The following PDXDC1 variants were observed in gnomAD, a reference collection of about 807,000 sequenced individuals.
PDXDC1 encodes pyridoxal dependent decarboxylase domain containing 1.
Under a neutral mutation model 100.1 loss-of-function variants are expected in PDXDC1, and 42 were observed. That is an observed-to-expected ratio of 0.42 (90% CI 0.33 to 0.54). PDXDC1 has a LOEUF of 0.54. Ranked by LOEUF, PDXDC1 falls within the 20% of genes least tolerant of loss-of-function variation. PDXDC1 has a pLI of 0.10. For synonymous variants in PDXDC1, 260 were observed against 371.7 expected (o/e 0.70, Z 3.46); for missense variants, 636 against 979.2 (o/e 0.65, Z 4.68).
intron 16 of PDXDC1, chr16:15,080,203 G>GA (rs1437514149): frequency 5.9e-6 from 8 of 1,356,226 alleles, no homozygotes; most frequent in South Asian, 4.8e-5. Context: ...TATTTAAAAA[G>GA]AAAAAAACAG....
In PDXDC1 at chr16:14,989,885, C is replaced by T. The variant is rs1193987006; in HGVS notation, c.22-7868C>T. The T allele has an allele frequency of 5.8e-6, 9 of 1,547,902 alleles. No homozygotes were observed. In the East Asian group the frequency reaches 2.0e-4, roughly 35 times the overall value. On this transcript the variant is annotated intron_variant, in intron 1 of 22. Transcript: ENST00000396410. ...CCAGGGCCAGGAAGCCGTTGGCCAC[C>T]AGGGCCGGCACTCCAGGGCCCAGCG...
rs1421938043 is a variant in PDXDC1, at chr16:15,033,129, C to A, written c.1691-149C>A. 8.9e-6 allele frequency: 9 copies of A among 1,012,976 alleles called. No homozygotes were observed. In the East Asian group the frequency reaches 1.4e-4, roughly 16 times the overall value. The allele number at this position is 1,012,976 out of a possible 1,614,324, so 62.7% of individuals were successfully genotyped here. On this transcript the variant is annotated intron_variant, in intron 18 of 22. Transcript: ENST00000396410. ...GTTCTGAGACCTCCCTCCCCTTCTG[C>A]AGCCTTGCCAGGCCTTTCTCTCCGC...
chr16:15,108,311 A>C lies in PDXDC1; in HGVS notation c.1400-30568A>C, dbSNP rs1415280381. The stretch of plus-strand genomic sequence containing the variant: ...TATAGGAAGGATGTATAAAATTCCC[A>C]GAACGCTAGGAAACAGGGACGAAAA... On this transcript the variant is annotated intron_variant, in intron 16 of 16. Transcript: ENST00000535621. The C allele has an allele frequency of 5.4e-6, 5 of 926,628 alleles. 1 individual carries two copies. The highest frequency in any genetic ancestry group is 6.4e-6 in the Non-Finnish European group (5 of 776,136). 57.4% of individuals were successfully genotyped at this position (926,628 alleles called of 1,614,324 possible). A position where few individuals can be genotyped will look rare whatever the true frequency, so the allele number is the denominator to read the frequency against.
At chr16:15,046,511 T>C (rs2044070061) in intron 16 of PDXDC1, among the ~76,000 whole-genome samples, 1 of 152,056 alleles carries the variant, frequency 6.6e-6, no homozygotes, top group Admixed American at 6.5e-5. Context: ...CAGCGGCTAC[T>C]TTACTGCAGT....
the PDXDC1 span, among the ~76,000 whole-genome samples, chr16:15,149,027 C>T: frequency 1.3e-5 from 2 of 152,244 alleles, no homozygotes; most frequent in Admixed American, 6.5e-5. Context: ...ACGTAAGACC[C>T]GGCTCAGGGA....
chr16:15,079,666 C>A (rs1483328784), intron 16 of PDXDC1, among the ~76,000 whole-genome samples: 5 of 151,734 alleles, frequency 3.3e-5, no homozygotes, highest in Non-Finnish European at 7.4e-5. Flanking sequence ...GATCTCAGCT[C>A]ACTGCAAGAT....
chr16:14,975,033 CCAT>C lies in PDXDC1; in HGVS notation c.-164_-162del. 1 of 1,528,684 alleles carries C rather than the reference CCAT, an allele frequency of 6.5e-7. No individual in the cohort carries two copies. 94.7% of individuals were successfully genotyped at this position (1,528,684 alleles called of 1,614,324 possible). A position where few individuals can be genotyped will look rare whatever the true frequency, so the allele number is the denominator to read the frequency against. ...GGGGCCCCGCCCCGCCGCCTCTCAA[CCAT>C]CAGGTTCGGCAGCCCGCGGCGCCGC... is the stretch of plus-strand genomic sequence containing the variant. On this transcript the variant is annotated 5_prime_UTR_variant, in exon 1 of 23. Coordinates refer to ENST00000396410, the MANE Select transcript of PDXDC1 (RefSeq NM_015027.4).
chr16:15,019,888 G>A (rs1169201248), intron 12 of PDXDC1, among the ~76,000 whole-genome samples: 1 of 152,232 alleles, frequency 6.6e-6, no homozygotes, highest in African/African-American at 2.4e-5. Flanking sequence ...TGAAGCGGGT[G>A]GATCACAAGG....
intron 16 of PDXDC1, among the ~76,000 whole-genome samples, chr16:15,059,480 T>C (rs2044637656): frequency 6.6e-6 from 1 of 152,218 alleles, no homozygotes; most frequent in African/African-American, 2.4e-5. Context: ...AGTATCTTAT[T>C]CCCATTTTAC....
intron 16 of PDXDC1, among the ~76,000 whole-genome samples, chr16:15,132,091 C>CG (rs547454206): frequency 0.16 from 30 of 184 alleles, 3 homozygotes; most frequent in Admixed American, 0.43. Flanking sequence ...CGGGGAGGAT[C>CG]GGGGGGGAAA....
downstream of PDXDC1, among the ~76,000 whole-genome samples, chr16:15,043,088 C>T (rs552302680): frequency 1.3e-4 from 20 of 152,082 alleles, no homozygotes; most frequent in Admixed American, 7.9e-4. Context: ...TTAGTAGAGA[C>T]GGGGTTTCTC....
intron 16 of PDXDC1, chr16:15,136,139 C>A (rs146542398): frequency 0.027 from 39,585 of 1,447,866 alleles, 665 homozygotes; most frequent in Non-Finnish European, 0.032. Context: ...CTCCTGGGGG[C>A]GGGTGTGGGA....
intron 16 of PDXDC1, among the ~76,000 whole-genome samples, chr16:15,095,236 C>T (rs1339030460): frequency 2.7e-4 from 41 of 152,054 alleles, no homozygotes; most frequent in Non-Finnish European, 4.1e-4. Context: ...AGGCCAAAAC[C>T]TCGGGACTGT....
At position 15,035,536 on chromosome 16, in the gene PDXDC1, C is replaced by T. The variant is rs149308392; in HGVS notation, c.2090C>T (p.Thr697Ile). The T allele has an allele frequency of 4.0e-4, 642 of 1,609,642 alleles. No individual in the cohort carries two copies. The highest frequency in any genetic ancestry group is 5.2e-4 in the Non-Finnish European group (608 of 1,177,448). ...TLPPTPSGSR[T>I]KQRLPGQKPF... ...CCTCCAACGCCCTCGGGCAGTCGCA[C>T]CAAGCAGAGGCTTCCAGGTAAGTGA... The change falls in exon 22 of 23, where the codon ACC becomes ATC. Residue 697 changes from threonine (T) to isoleucine (I), a missense_variant. Thr to Ile is a moderately conservative substitution (Grantham distance 89). Coordinates refer to ENST00000396410, the MANE Select transcript of PDXDC1 (RefSeq NM_015027.4).
intron 16 of PDXDC1, chr16:15,044,676 C>A: frequency 3.9e-6 from 2 of 518,478 alleles, no homozygotes; most frequent in South Asian, 4.9e-5. Context: ...CAGTGGGGAA[C>A]TTTGCTCTGG....
intron 16 of PDXDC1, chr16:15,130,944 C>T: frequency 2.8e-6 from 2 of 722,488 alleles, no homozygotes; most frequent in Non-Finnish European, 4.8e-6. Flanking sequence ...CCGTGGCCCC[C>T]AGCTCCTCTC....
intron 16 of PDXDC1, among the ~76,000 whole-genome samples, chr16:15,077,504 G>T (rs1042496627): frequency 1.3e-5 from 2 of 152,078 alleles, no homozygotes; most frequent in African/African-American, 4.8e-5. Flanking sequence ...CTCCCGCCAT[G>T]ATTCTGAGGC....
At chr16:15,051,746 G>A (rs1477400525) in intron 16 of PDXDC1, among the ~76,000 whole-genome samples, 5 of 139,310 alleles carry the variant, frequency 3.6e-5, no homozygotes, top group Non-Finnish European at 6.1e-5. Flanking sequence ...TGTTGCCCAG[G>A]CTGAAGTGCT....
chr16:15,135,702 C>T (rs990917622), intron 16 of PDXDC1: 20 of 1,595,954 alleles, frequency 1.3e-5, no homozygotes, highest in Non-Finnish European at 1.6e-5. Context: ...TGGTCGCCAT[C>T]CTCCAGGTTG....
Sources: allele counts gnomAD v4.1 joint callset (sites outside exome capture counted in the v4.1 genomes callset), GRCh38; gene constraint gnomAD v4.1.1; transcripts MANE v1.5; gene names NCBI Gene and HGNC (gene_info 2026-07-23, HGNC 2026-07-21).